MBNL2: variants seen among roughly 807,000 people sequenced by gnomAD.
The protein encoded by MBNL2 is muscleblind like splicing regulator 2.
A neutral mutation model predicts 41.9 loss-of-function variants in MBNL2; 17 were observed. The ratio of observed to expected loss-of-function variants is 0.41; its 90% confidence interval spans 0.28 to 0.61. MBNL2 has a LOEUF of 0.61. Ranked by LOEUF, MBNL2 falls within the 20% of genes least tolerant of loss-of-function variation. The pLI is 0.35. For synonymous variants in MBNL2, 195 were observed against 182.9 expected (o/e 1.07, Z -0.53); for missense variants, 336 against 505.6 (o/e 0.66, Z 3.22).
intron 8 of MBNL2, among the ~76,000 whole-genome samples, chr13:97,382,872 G>T (rs1199956360): frequency 6.6e-6 from 1 of 151,808 alleles, no homozygotes; most frequent in African/African-American, 2.4e-5. Context: ...TGGCTATCAT[G>T]CAGTCCTTCC....
chr13:97,320,846 C>T (rs545165818), intron 2 of MBNL2, among the ~76,000 whole-genome samples: 3 of 152,104 alleles, frequency 2.0e-5, no homozygotes, highest in African/African-American at 4.8e-5. Flanking sequence ...ACCCGGGAGG[C>T]GGAGGTTGCA....
intron 5 of MBNL2, among the ~76,000 whole-genome samples, chr13:97,349,170 A>C (rs2062182523): frequency 1.5e-5 from 2 of 137,022 alleles, no homozygotes; most frequent in African/African-American, 6.8e-5. Context: ...GTGAATTCCT[A>C]TATATGTGGA....
chr13:97,265,698 A>G (rs1288984004), intron 1 of MBNL2, among the ~76,000 whole-genome samples: 1 of 152,154 alleles, frequency 6.6e-6, no homozygotes, highest in Admixed American at 6.5e-5. Context: ...TCAAGAACTA[A>G]TGTTGATACA....
At position 97,374,063 on chromosome 13, in the gene MBNL2, A is replaced by ATTTTTT. The variant is rs61185219; in HGVS notation, c.1048+8916_1048+8921dup. 3.9e-3 allele frequency among the ~76,000 whole-genome samples: 249 copies of ATTTTTT among 63,096 alleles called. 22 individuals carry two copies. The highest frequency in any genetic ancestry group is 0.011 in the African/African-American group (205 of 17,864). The allele number at this position is 63,096 out of a possible 152,430, so 41.4% of individuals were successfully genotyped here. A position where few individuals can be genotyped will look rare whatever the true frequency, so the allele number is the denominator to read the frequency against. On this transcript the variant is annotated intron_variant, in intron 8 of 8. Coordinates refer to ENST00000679496, the MANE Select transcript of MBNL2 (RefSeq NM_001382683.1). ...CACCTCAAATCCCATCCTCCTTTGC[A>ATTTTTT]TTTTTTTTTTTTTTTTTTTTTTTTT... is the stretch of plus-strand genomic sequence containing the variant.
rs930445724 is a variant in MBNL2 at position 97,346,433 on chromosome 13, A to C, written c.541-371A>C. ...AGATGAAGGAATGGATGCATGGATA[A>C]ATAGATAGATGATAGATATATGGAT... On this transcript the variant is annotated intron_variant, in intron 4 of 8. Coordinates refer to ENST00000679496, the MANE Select transcript of MBNL2 (RefSeq NM_001382683.1). The surrounding 1 kb of genome is among the most constrained non-coding windows in gnomAD (Gnocchi z 4.2). Among the ~76,000 whole-genome samples the C allele has an allele frequency of 1.3e-5, 2 of 152,112 alleles. No individual in the cohort carries two copies. The highest frequency in any genetic ancestry group is 2.4e-5 in the African/African-American group (1 of 41,396).
intron 1 of MBNL2, among the ~76,000 whole-genome samples, chr13:97,254,458 C>T (rs2047154792): frequency 6.6e-6 from 1 of 152,098 alleles, no homozygotes; most frequent in South Asian, 2.1e-4. Flanking sequence ...AAAATTTTGA[C>T]TGTGAAAGTT....
the MBNL2 span, among the ~76,000 whole-genome samples, chr13:97,207,001 C>T: frequency 2.6e-5 from 4 of 152,256 alleles, no homozygotes; most frequent in Non-Finnish European, 4.4e-5. Flanking sequence ...TCCTTGAATG[C>T]CTGTTGTCCC....
At chr13:97,294,188 G>A (rs899814795) in intron 2 of MBNL2, among the ~76,000 whole-genome samples, 2 of 151,676 alleles carry the variant, frequency 1.3e-5, no homozygotes, top group East Asian at 1.9e-4. Context: ...TCTAGCTTAC[G>A]CTTCTGTATC....
At chr13:97,202,591 G>A in the MBNL2 span, among the ~76,000 whole-genome samples, 1 of 151,984 alleles carries the variant, frequency 6.6e-6, no homozygotes, top group South Asian at 2.1e-4. Context: ...CTGTTTCCTA[G>A]AATCCTTATC....
chr13:97,154,858 T>G, the MBNL2 span, among the ~76,000 whole-genome samples: 1 of 151,712 alleles, frequency 6.6e-6, no homozygotes, highest in Non-Finnish European at 1.5e-5. Context: ...CTGATTCAAC[T>G]AAAATTCACC....
intron 2 of MBNL2, among the ~76,000 whole-genome samples, chr13:97,302,663 A>C (rs2057742892): frequency 6.6e-6 from 1 of 152,204 alleles, no homozygotes; most frequent in Non-Finnish European, 1.5e-5. Flanking sequence ...TGATAATTTC[A>C]ATCCAAACAC....
At chr13:97,216,739 T>C (rs1856389482), upstream of MBNL2, among the ~76,000 whole-genome samples, 1 of 152,184 alleles carries the variant, frequency 6.6e-6, no homozygotes, top group Non-Finnish European at 1.5e-5. Flanking sequence ...CTAACTTTGG[T>C]ATGCCCAGCA....
intron 2 of MBNL2, among the ~76,000 whole-genome samples, chr13:97,285,771 T>G (rs374249104): frequency 6.6e-6 from 1 of 152,236 alleles, no homozygotes; most frequent in Non-Finnish European, 1.5e-5. Flanking sequence ...ATTTATCAAC[T>G]GCTCTTAATC....
intron 2 of MBNL2, among the ~76,000 whole-genome samples, chr13:97,330,231 C>T (rs1407049792): frequency 1.3e-5 from 2 of 152,208 alleles, no homozygotes; most frequent in African/African-American, 2.4e-5. Context: ...GCATGTCCCA[C>T]GTGGGATGAG....
chr13:97,222,653 C>T (rs891247880), intron 1 of MBNL2, 122 bp downstream of exon 1: 12 of 392,758 alleles, frequency 3.1e-5, no homozygotes, highest in African/African-American at 6.2e-5. Flanking sequence ...GTAATACTTG[C>T]GGGGGACCCT....
At chr13:97,143,968 C>A in the MBNL2 span, among the ~76,000 whole-genome samples, 1 of 151,596 alleles carries the variant, frequency 6.6e-6, no homozygotes, top group Admixed American at 6.6e-5. Flanking sequence ...CTCAGCCTCC[C>A]GAGTAGCTGG....
At chr13:97,307,587 A>C (rs375134008) in intron 2 of MBNL2, among the ~76,000 whole-genome samples, 1 of 152,216 alleles carries the variant, frequency 6.6e-6, no homozygotes, top group South Asian at 2.1e-4. Flanking sequence ...AGTCCACAAC[A>C]GGAAGGGAAA....
chr13:97,300,828 G>T (rs1566403210), intron 2 of MBNL2, among the ~76,000 whole-genome samples: 1 of 152,126 alleles, frequency 6.6e-6, no homozygotes, highest in Non-Finnish European at 1.5e-5. Context: ...CCTGTAACTG[G>T]CCTTTTACCC....
At chr13:97,329,638 C>CACATACAACATACACA (rs2060214111) in intron 2 of MBNL2, among the ~76,000 whole-genome samples, 3 of 134 alleles carry the variant, frequency 0.022, no homozygotes, top group East Asian at 0.25. Context: ...AGACACACAA[C>CACATACAACATACACA]ACACACACAA....
Sources: allele counts gnomAD v4.1 joint callset (sites outside exome capture counted in the v4.1 genomes callset), GRCh38; gene constraint gnomAD v4.1.1; non-coding constraint Gnocchi (gnomAD v3.1); transcripts MANE v1.5; gene names NCBI Gene and HGNC (gene_info 2026-07-23, HGNC 2026-07-21).